The following ORC5 variants were observed in gnomAD, a reference collection of about 807,000 sequenced individuals.
ORC5 encodes the protein origin recognition complex subunit 5.
In ORC5, 39 loss-of-function variants were observed where a neutral mutation model predicts 58.8. That is an observed-to-expected ratio of 0.66 (90% confidence interval 0.51 to 0.87). The LOEUF is 0.87. Ranked by LOEUF, ORC5 falls within the 40% of genes least tolerant of loss-of-function variation. ORC5 has a pLI of 0.00. For synonymous variants in ORC5, 218 were observed against 177.6 expected (o/e 1.23, Z -1.81); for missense variants, 493 against 506.3 (o/e 0.97, Z 0.25).
At chr7:104,168,436 G>T (rs1208032216) in intron 9 of ORC5, 37 bp downstream of exon 9, 8 of 1,600,908 alleles carry the variant, frequency 5.0e-6, no homozygotes, top group Non-Finnish European at 6.8e-6. Flanking sequence ...AGCTGAAGAA[G>T]TATCTCCGGT....
Position 104,190,531 on chromosome 7 carries a change from C to T in ORC5, c.554-2150G>A, listed in dbSNP as rs367742842. On this transcript the variant is annotated intron_variant, in intron 5 of 13. Transcript: ENST00000297431. ...AAAATACCACATTAAGAGTCCTAAC[C>T]TTATACTTTATCCTGCTGGAAATAA... 2.6e-5 allele frequency among the ~76,000 whole-genome samples: 4 copies of T among 151,224 alleles called. No homozygotes were observed. In the East Asian group the frequency reaches 5.8e-4, roughly 22 times the overall value.
Position 104,183,948 on chromosome 7 carries a change from T to G in ORC5, c.819A>C (p.Ile273=). The G allele has an allele frequency of 6.2e-7, 1 of 1,602,842 alleles. No individual in the cohort carries two copies. Among genetic ancestry groups the G allele is most frequent in the Non-Finnish European group, 8.5e-7 (1 of 1,172,016 alleles). The change falls in exon 8 of 14, where the codon ATA becomes ATC. Residue 273 remains isoleucine (I), a synonymous_variant. Transcript: ENST00000297431. The stretch of plus-strand genomic sequence containing the variant: ...CATACTAAATAGAAAATTACCTTGA[T>G]ATTTCCCTGAGATAAACAGTCTGCA... ...KAMQTVYLRE[I]SSSQWEKLQK... is the part of the protein sequence containing the mutation.
In ORC5 at chr7:104,207,978, G is replaced by T; in HGVS notation, c.-74C>A. On this transcript the variant is annotated 5_prime_UTR_variant, in exon 1 of 14. Transcript: ENST00000297431. ...TTGCACAAGACGGAGCCTCTCCCGA[G>T]TCTGGCGGCCCACGCTCCCGCCGGA... is the stretch of plus-strand genomic sequence containing the variant. 1 of 1,413,438 alleles carries T rather than the reference G, an allele frequency of 7.1e-7. No homozygotes were observed. Among genetic ancestry groups the T allele is most frequent in the Non-Finnish European group, 9.9e-7 (1 of 1,005,782 alleles). The allele number at this position is 1,413,438 out of a possible 1,614,324, so 87.6% of individuals were successfully genotyped here.
Position 104,200,822 on chromosome 7 carries a change from T to G in ORC5, c.302A>C (p.Asp101Ala). Residue 101 changes from aspartate to alanine, a missense_variant, in exon 3 of 14, where the codon GAC becomes GCC. Around this residue, in one of 3 missense-constraint regions of ORC5, gnomAD observed 412 missense variants for 403.7 expected, o/e 1.02. Transcript: ENST00000297431. The stretch of plus-strand genomic sequence containing the variant: ...TACTTGTTTAAACAAGCGAACAAAG[T>G]CATTAAATGTTTCACAGGTTATTTC... ...STEITCETFN[D>A]FVRLFKQVTT... The G allele has an allele frequency of 6.2e-7, 1 of 1,612,980 alleles. No homozygotes were observed. The highest frequency in any genetic ancestry group is 8.5e-7 in the Non-Finnish European group (1 of 1,179,026).
At chr7:104,159,812 A>G (rs1798994119) in intron 12 of ORC5, among the ~76,000 whole-genome samples, 1 of 152,198 alleles carries the variant, frequency 6.6e-6, no homozygotes, top group South Asian at 2.1e-4. Context: ...TATAATAAAG[A>G]CCTGATAATT....
chr7:104,129,525 A>G lies in ORC5; in HGVS notation c.1263-2632T>C, dbSNP rs1335824360. Among the ~76,000 whole-genome samples the G allele has an allele frequency of 6.6e-6, 1 of 152,204 alleles. No homozygotes were observed. The highest frequency in any genetic ancestry group is 1.5e-5 in the Non-Finnish European group (1 of 68,032). The stretch of plus-strand genomic sequence containing the variant: ...TAACTTGCCAATTGATCTCACATAT[A>G]TTATTTTAAGACATGGCAGAATTTG... On this transcript the variant is annotated intron_variant, in intron 13 of 13. Coordinates refer to ENST00000297431, the MANE Select transcript of ORC5 (RefSeq NM_002553.4). This position sits in a 1 kb window ranked among gnomAD's most constrained non-coding sequence, Gnocchi z 4.9.
intron 13 of ORC5, among the ~76,000 whole-genome samples, chr7:104,132,836 T>TG (rs906448430): frequency 3.9e-5 from 6 of 151,952 alleles, no homozygotes; most frequent in African/African-American, 9.7e-5. Flanking sequence ...GTGTGTGGTA[T>TG]GGGGGGGTGA....
chr7:104,185,783 C>A (rs1429525866), intron 6 of ORC5, among the ~76,000 whole-genome samples: 1 of 151,674 alleles, frequency 6.6e-6, no homozygotes, highest in South Asian at 2.1e-4. Flanking sequence ...CATACTAATT[C>A]CATTTATTTA....
At chr7:104,154,241 G>A (rs949159197) in intron 12 of ORC5, among the ~76,000 whole-genome samples, 2 of 151,876 alleles carry the variant, frequency 1.3e-5, no homozygotes, top group African/African-American at 4.8e-5. Context: ...ATTTAATTGG[G>A]TATTAACAAA....
chr7:104,159,544 T>C (rs1326176616), intron 12 of ORC5, among the ~76,000 whole-genome samples: 5 of 149,942 alleles, frequency 3.3e-5, no homozygotes, highest in Non-Finnish European at 1.5e-5. Flanking sequence ...AGTATTTTCA[T>C]GTATACATTT....
At chr7:104,203,749 A>G (rs10238218) in intron 2 of ORC5, among the ~76,000 whole-genome samples, 40,590 of 152,076 alleles carry the variant, frequency 0.27, 5,638 homozygotes, top group African/African-American at 0.34. Context: ...CTGTCCTGAA[A>G]ATATTAAGAT....
intron 5 of ORC5, 83 bp from the exon 6 acceptor site, chr7:104,188,464 A>T (rs998292580): frequency 1.0e-5 from 9 of 885,764 alleles, no homozygotes; most frequent in Admixed American, 5.5e-5. Flanking sequence ...CAAAGGTATT[A>T]AAAAAAAAAC....
chr7:104,207,568 G>A (rs1198415547), intron 1 of ORC5, among the ~76,000 whole-genome samples: 1 of 152,176 alleles, frequency 6.6e-6, no homozygotes, highest in Admixed American at 6.5e-5. Flanking sequence ...GCTAATGTGG[G>A]CAAACTTCTG....
intron 12 of ORC5, among the ~76,000 whole-genome samples, chr7:104,139,155 T>C (rs1165291848): frequency 2.6e-5 from 4 of 152,242 alleles, no homozygotes; most frequent in African/African-American, 9.6e-5. Flanking sequence ...CTATCTGTAA[T>C]ACCTAATCAT....
At position 104,200,923 on chromosome 7, in the gene ORC5, A is replaced by G. The variant is rs1269392252; in HGVS notation, c.201T>C (p.Phe67=). ...PHVFVNCVEC[F]TLRLLLEQIL... is the part of the protein sequence containing the mutation. ...TTTGTTCCAAAAGCAGCCTCAATGT[A>G]AAGCATTCAACACAATTCACAAACA... The change falls in exon 3 of 14, where the codon TTT becomes TTC. Residue 67 remains phenylalanine (F), a synonymous_variant. Coordinates refer to ENST00000297431, the MANE Select transcript of ORC5 (RefSeq NM_002553.4). The G allele has an allele frequency of 3.1e-6, 5 of 1,613,616 alleles. No individual in the cohort carries two copies. The highest frequency in any genetic ancestry group is 4.2e-6 in the Non-Finnish European group (5 of 1,179,630).
At chr7:104,196,894 G>A (rs1373198867) in intron 4 of ORC5, among the ~76,000 whole-genome samples, 1 of 151,976 alleles carries the variant, frequency 6.6e-6, no homozygotes, top group South Asian at 2.1e-4. Context: ...TATGAATACG[G>A]TGAATATGGT....
chr7:104,182,219 G>T (rs1024702101), intron 8 of ORC5, among the ~76,000 whole-genome samples: 12 of 152,192 alleles, frequency 7.9e-5, no homozygotes, highest in Admixed American at 2.0e-4. Context: ...GGACCACACA[G>T]AAGGGTCAAC....
At chr7:104,127,156 T>C (rs1170965767) in intron 13 of ORC5, among the ~76,000 whole-genome samples, 11 of 152,206 alleles carry the variant, frequency 7.2e-5, no homozygotes, top group Admixed American at 6.5e-4. Flanking sequence ...CAACATTATG[T>C]ACTTCAATTG....
intron 1 of ORC5, among the ~76,000 whole-genome samples, chr7:104,206,448 C>T (rs10279892): frequency 0.11 from 16,625 of 152,216 alleles, 1,582 homozygotes; most frequent in African/African-American, 0.26. Flanking sequence ...CCAATTTGCT[C>T]TTTCAGCAGG....
Sources: gnomAD v4.1 joint callset for allele counts (sites outside exome capture counted in the v4.1 genomes callset) on GRCh38, gnomAD v4.1.1 for gene constraint, gnomAD v4.1.1 regional missense constraint, Gnocchi (gnomAD v3.1) non-coding constraint, MANE v1.5 for transcripts, NCBI Gene and HGNC (gene_info 2026-07-23, HGNC 2026-07-21) for gene names.